The following SPATA16 variants were observed in gnomAD, a reference collection of about 807,000 sequenced individuals.
The protein encoded by SPATA16 is spermatogenesis associated 16.
Under a neutral mutation model 63.3 loss-of-function variants are expected in SPATA16, and 36 were observed. The observed-to-expected ratio is 0.57, with a 90% CI of 0.44 to 0.75. SPATA16 has a LOEUF of 0.75. SPATA16 is among the 30% of genes least tolerant of loss of function. The pLI, the probability that SPATA16 is intolerant of heterozygous loss-of-function variation, is 0.00. For missense variants in SPATA16, 646 were observed against 679.3 expected (o/e 0.95, Z 0.54); for synonymous variants, 203 against 216.7 (o/e 0.94, Z 0.56).
chr3:173,102,050 A>G (rs1402042601), intron 2 of SPATA16, among the ~76,000 whole-genome samples: 1 of 152,190 alleles, frequency 6.6e-6, no homozygotes, highest in African/African-American at 2.4e-5. Flanking sequence ...AGACAAAATC[A>G]TATAACTGCA....
intron 2 of SPATA16, among the ~76,000 whole-genome samples, chr3:173,052,584 T>C (rs949224248): frequency 6.6e-6 from 1 of 152,194 alleles, no homozygotes; most frequent in South Asian, 2.1e-4. Flanking sequence ...TGTGTTGAAG[T>C]TAAAGGTAGA....
At chr3:172,933,434 CAA>C (rs1231074894) in intron 6 of SPATA16, among the ~76,000 whole-genome samples, 1 of 152,138 alleles carries the variant, frequency 6.6e-6, no homozygotes, top group Non-Finnish European at 1.5e-5. Context: ...TGGGCCAATG[CAA>C]AAGAGTGGGA....
At chr3:173,030,929 AAC>A (rs1735590094) in intron 3 of SPATA16, among the ~76,000 whole-genome samples, 1 of 152,124 alleles carries the variant, frequency 6.6e-6, no homozygotes, top group African/African-American at 2.4e-5. Context: ...CACATGCTAC[AAC>A]ATGAATGCAC....
chr3:173,032,204 A>G (rs1393247677), intron 3 of SPATA16, among the ~76,000 whole-genome samples: 2 of 151,766 alleles, frequency 1.3e-5, no homozygotes, highest in African/African-American at 4.9e-5. Flanking sequence ...AATTACAATT[A>G]ATTCTGCAAC....
intron 6 of SPATA16, among the ~76,000 whole-genome samples, chr3:172,933,450 G>A (rs1272394788): frequency 6.6e-6 from 1 of 152,156 alleles, no homozygotes; most frequent in East Asian, 1.9e-4. Context: ...AGTGGGATCC[G>A]GGAATTGTGT....
intron 6 of SPATA16, among the ~76,000 whole-genome samples, chr3:172,946,393 TC>T (rs1733289189): frequency 6.6e-6 from 1 of 152,114 alleles, no homozygotes; most frequent in South Asian, 2.1e-4. Context: ...GCTCCTGTGG[TC>T]CCCAGTTTCA....
At chr3:173,055,562 G>A (rs1362064513) in intron 2 of SPATA16, among the ~76,000 whole-genome samples, 1 of 152,162 alleles carries the variant, frequency 6.6e-6, no homozygotes, top group Admixed American at 6.5e-5. Context: ...CACAATTATA[G>A]GAATGGAGAA....
chr3:172,897,089 T>C (rs1360719829), intron 10 of SPATA16, among the ~76,000 whole-genome samples: 1 of 152,192 alleles, frequency 6.6e-6, no homozygotes, highest in Non-Finnish European at 1.5e-5. Context: ...TTTAAGTCTA[T>C]AACCTAATTT....
chr3:173,106,348 C>T (rs371482107), intron 2 of SPATA16, among the ~76,000 whole-genome samples: 1 of 152,102 alleles, frequency 6.6e-6, no homozygotes, highest in Non-Finnish European at 1.5e-5. Flanking sequence ...TACCTTTACC[C>T]CTCTAGCTGT....
chr3:173,072,292 C>G (rs1016345285), intron 2 of SPATA16, among the ~76,000 whole-genome samples: 2 of 152,178 alleles, frequency 1.3e-5, no homozygotes, highest in African/African-American at 2.4e-5. Context: ...AGGCCATCAT[C>G]ATAAGTGAAT....
chr3:173,099,104 C>T (rs1364047697), intron 2 of SPATA16, among the ~76,000 whole-genome samples: 1 of 152,148 alleles, frequency 6.6e-6, no homozygotes, highest in South Asian at 2.1e-4. Context: ...CTCCTTCTGA[C>T]ATAACATCAG....
intron 4 of SPATA16, among the ~76,000 whole-genome samples, chr3:172,987,187 A>G (rs188068859): frequency 2.0e-5 from 3 of 152,326 alleles, no homozygotes; most frequent in African/African-American, 7.2e-5. Context: ...TAAATGATAA[A>G]AGGATAATGG....
At chr3:173,108,824 C>A (rs980975923) in intron 2 of SPATA16, among the ~76,000 whole-genome samples, 1 of 152,168 alleles carries the variant, frequency 6.6e-6, no homozygotes, top group Non-Finnish European at 1.5e-5. Context: ...CTACAGCACT[C>A]AGTACAATAA....
At chr3:173,061,963 C>G (rs889425825) in intron 2 of SPATA16, among the ~76,000 whole-genome samples, 15 of 152,086 alleles carry the variant, frequency 9.9e-5, no homozygotes, top group South Asian at 4.1e-4. Context: ...GAGGTTACTC[C>G]CTGAGTGACA....
At chr3:173,039,961 A>T (rs1310292690) in intron 3 of SPATA16, among the ~76,000 whole-genome samples, 1 of 152,140 alleles carries the variant, frequency 6.6e-6, no homozygotes, top group East Asian at 1.9e-4. Flanking sequence ...CTCCTCAGGG[A>T]ATCTGATCCA....
In SPATA16 at chr3:173,045,642, C is replaced by A. The variant is rs564179597; in HGVS notation, c.758+3307G>T. Among the ~76,000 whole-genome samples the A allele has an allele frequency of 7.2e-5, 11 of 152,116 alleles. No homozygotes were observed. The East Asian group carries it at 2.1e-3, about 29-fold the overall frequency. ...TGAACCTAGGCAGTCACATTCTAGA[C>A]GTTGTGGTCTGACTAAATATACTAT... On this transcript the variant is annotated intron_variant, in intron 3 of 10. Transcript: ENST00000351008.
At chr3:172,919,218 G>A (rs1732566571) in intron 8 of SPATA16, among the ~76,000 whole-genome samples, 2 of 152,178 alleles carry the variant, frequency 1.3e-5, no homozygotes, top group South Asian at 4.1e-4. Flanking sequence ...CAGTACATAA[G>A]GTTTGAAACT....
intron 5 of SPATA16, among the ~76,000 whole-genome samples, chr3:172,964,283 C>A (rs557449001): frequency 5.3e-5 from 8 of 152,254 alleles, no homozygotes; most frequent in African/African-American, 1.7e-4. Context: ...GTCAGTCTAG[C>A]TTATTTAATG....
intron 4 of SPATA16, among the ~76,000 whole-genome samples, chr3:172,989,755 A>G (rs767172354): frequency 6.6e-6 from 1 of 152,212 alleles, no homozygotes; most frequent in Non-Finnish European, 1.5e-5. Context: ...TAACACTGAT[A>G]GTTTGGAAAA....
Sources: allele counts gnomAD v4.1 joint callset (sites outside exome capture counted in the v4.1 genomes callset), GRCh38; gene constraint gnomAD v4.1.1; transcripts MANE v1.5; gene names NCBI Gene and HGNC (gene_info 2026-07-23, HGNC 2026-07-21).